NLRP4: variants seen among roughly 807,000 people sequenced by gnomAD.
The protein encoded by NLRP4 is NLR family pyrin domain containing 4.
In NLRP4, 44 loss-of-function variants were observed where a neutral mutation model predicts 84.7. The observed-to-expected ratio is 0.52, with a 90% CI of 0.41 to 0.67. The LOEUF (loss-of-function observed/expected upper bound fraction) is 0.67, where lower values mean the gene tolerates loss of function less well. Ranked by LOEUF, NLRP4 falls within the 30% of genes least tolerant of loss-of-function variation. The pLI, the probability that NLRP4 is intolerant of heterozygous loss-of-function variation, is 0.00. For missense variants in NLRP4, 1,260 were observed against 1,219.4 expected (o/e 1.03, Z -0.50); for synonymous variants, 544 against 476.4 (o/e 1.14, Z -1.85).
rs1332174995 is a variant in NLRP4, at chr19:55,853,903, C to CTTTCTCTT, written c.280+1544_280+1545insTTCTCTTT. ...TTGCTATCTCTTTCTCTCTCTCTCT[C>CTTTCTCTT]TCTTTCTCTTTCTTTCTCTTTCTCT... On this transcript the variant is annotated intron_variant, in intron 2 of 9. Coordinates refer to ENST00000301295, the MANE Select transcript of NLRP4 (RefSeq NM_134444.5). 3.3e-4 allele frequency among the ~76,000 whole-genome samples: 45 copies of CTTTCTCTT among 134,956 alleles called. 3 individuals carry two copies. The highest frequency in any genetic ancestry group is 1.3e-3 in the African/African-American group (37 of 28,614). The allele number at this position is 134,956 out of a possible 152,430, so 88.5% of individuals were successfully genotyped here. A position where few individuals can be genotyped will look rare whatever the true frequency, so the allele number is the denominator to read the frequency against.
chr19:55,867,658 G>A, intron 5 of NLRP4, 51 bp from the exon 6 acceptor site: 1 of 1,532,206 alleles, frequency 6.5e-7, no homozygotes, highest in South Asian at 1.2e-5. Context: ...CAAGAGGAAT[G>A]AGTCCAGGAA....
In NLRP4 at chr19:55,881,730, A is replaced by G; in HGVS notation, c.*143A>G. ...CTGGCACCCCATTCATAGATTTGAT[A>G]TGATACACGTGGTTTTTATGTGCTC... On this transcript the variant is annotated 3_prime_UTR_variant, in exon 10 of 10. Coordinates refer to ENST00000301295, the MANE Select transcript of NLRP4 (RefSeq NM_134444.5). 2 of 537,528 alleles carry G rather than the reference A, an allele frequency of 3.7e-6. No homozygotes were observed. The highest frequency in any genetic ancestry group is 6.6e-6 in the Non-Finnish European group (2 of 301,466). The allele number at this position is 537,528 out of a possible 1,614,324, so 33.3% of individuals were successfully genotyped here. A position where few individuals can be genotyped will look rare whatever the true frequency, so the allele number is the denominator to read the frequency against.
At chr19:55,871,230 T>A (rs1023016442) in intron 7 of NLRP4, among the ~76,000 whole-genome samples, 1 of 152,126 alleles carries the variant, frequency 6.6e-6, no homozygotes, top group East Asian at 1.9e-4. Context: ...GGCATATAGG[T>A]AGAGGACTGA....
At chr19:55,839,470 G>A (rs1297029126) in intron 1 of NLRP4, among the ~76,000 whole-genome samples, 1 of 127,306 alleles carries the variant, frequency 7.9e-6, no homozygotes, top group African/African-American at 3.7e-5. Flanking sequence ...TCTTCTGTGG[G>A]GGAAGAGTTA....
rs1258118264 is a variant in NLRP4 at position 55,870,903 on chromosome 19, T to C, written c.2431T>C (p.Tyr811His). 1 of 1,614,050 alleles carries C rather than the reference T, an allele frequency of 6.2e-7. No homozygotes were observed. ...EMLLRNKSVR[Y>H]LDLSANVLKD... Reference sequence around the variant, plus strand: ...GCTTCTGCGTAACAAGAGCGTGCGCTATCTAGACCTCAGTGCCAATGTCCT... The same window carrying C: ...GCTTCTGCGTAACAAGAGCGTGCGCCATCTAGACCTCAGTGCCAATGTCCT... Residue 811 changes from tyrosine to histidine, a missense_variant, in exon 7 of 10, where the codon TAT (tyrosine) becomes CAT (histidine). By Grantham distance (83) the Tyr-to-His change is moderately conservative. Coordinates refer to ENST00000301295, the MANE Select transcript of NLRP4 (RefSeq NM_134444.5).
At chr19:55,853,917 T>TTCTCTTTCTCTTTCTCTTTC (rs1984300286) in intron 2 of NLRP4, among the ~76,000 whole-genome samples, 4 of 117,138 alleles carry the variant, frequency 3.4e-5, no homozygotes, top group Non-Finnish European at 1.9e-5. Context: ...TTCTCTTTCT[T>TTCTCTTTCTCTTTCTCTTTC]TCTCTTTCTC....
chr19:55,844,857 G>A (rs1396679246), intron 1 of NLRP4, among the ~76,000 whole-genome samples: 3 of 152,026 alleles, frequency 2.0e-5, no homozygotes, highest in Non-Finnish European at 2.9e-5. Flanking sequence ...TGGTGGTAGT[G>A]GTGGTAGAGG....
chr19:55,848,560 C>T (rs1025759414), intron 1 of NLRP4, among the ~76,000 whole-genome samples: 13 of 152,116 alleles, frequency 8.5e-5, no homozygotes, highest in Non-Finnish European at 1.6e-4. Flanking sequence ...CCCACCACCA[C>T]ATCCGGCTAA....
At position 55,858,413 on chromosome 19, in the gene NLRP4, C is replaced by T. The variant is rs202118010; in HGVS notation, c.1020C>T (p.Ile340=). 4.3e-6 allele frequency: 7 copies of T among 1,614,026 alleles called. No individual in the cohort carries two copies. Among genetic ancestry groups the T allele is most frequent in the Non-Finnish European group, 5.9e-6 (7 of 1,180,044 alleles). The change falls in exon 3 of 10, where the codon ATC becomes ATT. Residue 340 remains isoleucine, a synonymous_variant. Transcript: ENST00000301295. This position sits in a 1 kb window ranked among gnomAD's most constrained non-coding sequence, Gnocchi z 4.2. Reference sequence around the variant, plus strand: ...AACAGCTGTTTTCCATATGCCAAATCCCGCTCCTCTGCTGGATCCTGTGTA... The same window carrying T: ...AACAGCTGTTTTCCATATGCCAAATTCCGCTCCTCTGCTGGATCCTGTGTA... The part of the protein sequence containing the change: ...ESEQLFSICQ[I]PLLCWILCTS...
At chr19:55,838,876 TCTTACA>T (rs1983498263) in intron 1 of NLRP4, among the ~76,000 whole-genome samples, 1 of 152,076 alleles carries the variant, frequency 6.6e-6, no homozygotes, top group African/African-American at 2.4e-5. Context: ...AATGTACAGA[TCTTACA>T]CTTAATGGAC....
At chr19:55,842,539 T>TC (rs1555806690) in intron 1 of NLRP4, among the ~76,000 whole-genome samples, 1 of 150,928 alleles carries the variant, frequency 6.6e-6, no homozygotes, top group African/African-American at 2.4e-5. Context: ...CTTTTTTTTT[T>TC]AGATTTACGT....
At chr19:55,842,772 A>G (rs1433922465) in intron 1 of NLRP4, among the ~76,000 whole-genome samples, 1 of 151,358 alleles carries the variant, frequency 6.6e-6, no homozygotes, top group Non-Finnish European at 1.5e-5. Context: ...TTTTATTTTT[A>G]TTTTTGAGAT....
chr19:55,850,812 AGGCTGCGGTGTAATGTC>A (rs1984084346), intron 1 of NLRP4, among the ~76,000 whole-genome samples: 1 of 93,068 alleles, frequency 1.1e-5, no homozygotes, highest in Non-Finnish European at 2.0e-5. Context: ...GTAATTTCCG[AGGCTGCGGTGTAATGTC>A]CGAGGCTGCG....
At chr19:55,866,769 G>A (rs745413356) in intron 5 of NLRP4, among the ~76,000 whole-genome samples, 3 of 152,230 alleles carry the variant, frequency 2.0e-5, no homozygotes, top group Non-Finnish European at 2.9e-5. Context: ...GAGTAAAGGA[G>A]CCACTAGACA....
chr19:55,880,025 A>AT (rs1218189753), intron 9 of NLRP4, among the ~76,000 whole-genome samples: 1 of 152,078 alleles, frequency 6.6e-6, no homozygotes, highest in East Asian at 1.9e-4. Flanking sequence ...AGTCCTTAAC[A>AT]TTTTTCTCAT....
intron 5 of NLRP4, among the ~76,000 whole-genome samples, chr19:55,866,003 C>T (rs1459470941): frequency 1.3e-5 from 2 of 152,096 alleles, no homozygotes; most frequent in African/African-American, 2.4e-5. Flanking sequence ...AACCCAAATT[C>T]ATTAAGATTA....
chr19:55,857,212 T>C (rs887999190), intron 2 of NLRP4, among the ~76,000 whole-genome samples: 4 of 152,218 alleles, frequency 2.6e-5, no homozygotes, highest in Non-Finnish European at 4.4e-5. Context: ...TACCTGTGTA[T>C]GTGTCTATTG....
At chr19:55,840,720 T>C (rs1229544637) in intron 1 of NLRP4, among the ~76,000 whole-genome samples, 1 of 152,126 alleles carries the variant, frequency 6.6e-6, no homozygotes, top group Non-Finnish European at 1.5e-5. Flanking sequence ...ATTTTAAGGC[T>C]GTGTTATTGT....
chr19:55,856,557 C>T (rs537064163), intron 2 of NLRP4, among the ~76,000 whole-genome samples: 2 of 146,538 alleles, frequency 1.4e-5, no homozygotes, highest in Non-Finnish European at 3.0e-5. Flanking sequence ...CTTCTGTTGC[C>T]CACGTTAGAG....
Sources: allele counts gnomAD v4.1 joint callset (sites outside exome capture counted in the v4.1 genomes callset), GRCh38; gene constraint gnomAD v4.1.1; non-coding constraint Gnocchi (gnomAD v3.1); transcripts MANE v1.5; gene names NCBI Gene and HGNC (gene_info 2026-07-23, HGNC 2026-07-21).